FSD1L: variants seen among roughly 807,000 people sequenced by gnomAD.
FSD1L encodes the protein FSD1-like protein.
Under a neutral mutation model 71.6 loss-of-function variants are expected in FSD1L, and 45 were observed. The ratio of observed to expected loss-of-function variants is 0.63; its 90% confidence interval spans 0.49 to 0.81. The LOEUF is 0.81. FSD1L is among the 30% of genes least tolerant of loss of function. FSD1L has a pLI of 0.00. For synonymous variants in FSD1L, 197 were observed against 207.2 expected, an observed-to-expected ratio of 0.95 and a Z score of 0.42; for missense variants, 561 against 618.1, an observed-to-expected ratio of 0.91 and a Z score of 0.98.
chr9:105,537,752 T>C (rs1836358916), intron 12 of FSD1L, among the ~76,000 whole-genome samples: 1 of 152,126 alleles, frequency 6.6e-6, no homozygotes, highest in Non-Finnish European at 1.5e-5. Flanking sequence ...CATAAGACTT[T>C]TCGGGAAGCA....
chr9:105,456,063 C>T (rs1830339284), intron 1 of FSD1L, among the ~76,000 whole-genome samples: 1 of 152,204 alleles, frequency 6.6e-6, no homozygotes, highest in African/African-American at 2.4e-5. Flanking sequence ...GGGGTTATAA[C>T]CTGTTGATCA....
chr9:105,447,330 A>C (rs10991658), upstream of FSD1L, among the ~76,000 whole-genome samples: 1 of 148,670 alleles, frequency 6.7e-6, no homozygotes, highest in Non-Finnish European at 1.5e-5. Context: ...TCTCCAAAAA[A>C]AAAAAAAAAA....
intron 7 of FSD1L, among the ~76,000 whole-genome samples, chr9:105,487,932 A>G (rs1402561455): frequency 6.6e-6 from 1 of 152,224 alleles, no homozygotes; most frequent in Non-Finnish European, 1.5e-5. Context: ...GAGATTTCTC[A>G]TATACCTTCA....
chr9:105,495,571 A>G (rs1017900054), intron 7 of FSD1L, among the ~76,000 whole-genome samples: 5 of 152,246 alleles, frequency 3.3e-5, no homozygotes, highest in African/African-American at 9.6e-5. Flanking sequence ...ATGGAAATGC[A>G]GAAATCACCT....
intron 10 of FSD1L, among the ~76,000 whole-genome samples, chr9:105,527,956 A>G (rs140510374): frequency 6.6e-6 from 1 of 152,338 alleles, no homozygotes; most frequent in East Asian, 1.9e-4. Flanking sequence ...GTCTCAGGAT[A>G]CAAAATCAAT....
intron 10 of FSD1L, chr9:105,521,866 T>C (rs1473711308): frequency 6.2e-7 from 1 of 1,612,436 alleles, no homozygotes; most frequent in Non-Finnish European, 8.5e-7. Flanking sequence ...TCATCAAATA[T>C]ATTTCTTCTT....
intron 13 of FSD1L, among the ~76,000 whole-genome samples, chr9:105,544,483 A>C (rs901516084): frequency 6.6e-6 from 1 of 152,130 alleles, no homozygotes; most frequent in Non-Finnish European, 1.5e-5. Context: ...TTGGTGTTTC[A>C]GACATGAAGT....
intron 10 of FSD1L, among the ~76,000 whole-genome samples, chr9:105,527,435 T>C (rs994182918): frequency 6.6e-6 from 1 of 152,156 alleles, no homozygotes; most frequent in Non-Finnish European, 1.5e-5. Context: ...AAATCTAATA[T>C]TGTTAATACT....
At chr9:105,465,357 C>G (rs1830987405) in intron 3 of FSD1L, among the ~76,000 whole-genome samples, 1 of 152,134 alleles carries the variant, frequency 6.6e-6, no homozygotes, top group African/African-American at 2.4e-5. Context: ...TATTCTCAGC[C>G]TCTTCCAAAA....
Position 105,527,661 on chromosome 9 carries a change from A to T in FSD1L, c.1026-6832A>T, listed in dbSNP as rs536963613. Among the ~76,000 whole-genome samples the T allele has an allele frequency of 3.3e-5, 5 of 151,976 alleles. No individual in the cohort carries two copies. The South Asian group carries it at 1.0e-3, about 32-fold the overall frequency. ...ATCTATAATTTGTAACAGTGGGGGG[A>T]AAAGATGACATGGTATTTAATAATA... On this transcript the variant is annotated intron_variant, in intron 10 of 13. Transcript: ENST00000481272.
intron 1 of FSD1L, among the ~76,000 whole-genome samples, chr9:105,454,827 C>G (rs566858627): frequency 9.2e-5 from 14 of 152,304 alleles, no homozygotes; most frequent in African/African-American, 2.9e-4. Context: ...AGCATTTAGA[C>G]TTTTTCTCAG....
At chr9:105,478,834 C>T (rs1232952816) in intron 5 of FSD1L, among the ~76,000 whole-genome samples, 2 of 152,164 alleles carry the variant, frequency 1.3e-5, no homozygotes, top group Non-Finnish European at 2.9e-5. Flanking sequence ...GAATTGCAGC[C>T]TAGTTGTATT....
At chr9:105,463,727 C>T (rs1416846324) in intron 2 of FSD1L, among the ~76,000 whole-genome samples, 8 of 152,136 alleles carry the variant, frequency 5.3e-5, no homozygotes, top group Admixed American at 5.2e-4. Flanking sequence ...TATTATAGTT[C>T]TACAGCATCT....
chr9:105,507,636 C>G (rs1834132478), intron 8 of FSD1L, among the ~76,000 whole-genome samples: 2 of 152,174 alleles, frequency 1.3e-5, no homozygotes, highest in African/African-American at 4.8e-5. Flanking sequence ...CTCTGCTTTA[C>G]TTCCTCTTTA....
At chr9:105,528,362 A>G (rs1328323351) in intron 10 of FSD1L, among the ~76,000 whole-genome samples, 1 of 152,242 alleles carries the variant, frequency 6.6e-6, no homozygotes, top group Non-Finnish European at 1.5e-5. Flanking sequence ...TAGAGGCATC[A>G]TGCTACCTGA....
rs977279468 is a variant in FSD1L at position 105,472,177 on chromosome 9, G to T, written c.441+172G>T. 3 of 745,152 alleles carry T rather than the reference G, an allele frequency of 4.0e-6. No homozygotes were observed. In the African/African-American group the frequency reaches 5.6e-5, roughly 14 times the overall value. 46.2% of individuals were successfully genotyped at this position (745,152 alleles called of 1,614,324 possible). ...TCATTTATTCCAAAGCAAACACTTA[G>T]AAGTGTGTGTCTTTAGGGTCATCAA... On this transcript the variant is annotated intron_variant, in intron 5 of 13. Transcript: ENST00000481272.
At chr9:105,451,759 C>T (rs776124411) in intron 1 of FSD1L, among the ~76,000 whole-genome samples, 5 of 152,110 alleles carry the variant, frequency 3.3e-5, no homozygotes, top group Admixed American at 6.5e-5. Context: ...GTTTCTTTAC[C>T]GGATGAAATG....
intron 1 of FSD1L, among the ~76,000 whole-genome samples, chr9:105,452,628 C>CGCCTGCCTGCGT: frequency 8.0e-6 from 1 of 124,466 alleles, no homozygotes; most frequent in African/African-American, 3.3e-5. Context: ...GGCGCTCGCT[C>CGCCTGCCTGCGT]GCCTGCCTGC....
chr9:105,519,884 A>G (rs187570877), intron 10 of FSD1L, among the ~76,000 whole-genome samples: 1 of 152,182 alleles, frequency 6.6e-6, no homozygotes, highest in Non-Finnish European at 1.5e-5. Context: ...CGCTCCGTGC[A>G]GGGCCGGGAG....
Sources: gnomAD v4.1 joint callset for allele counts (sites outside exome capture counted in the v4.1 genomes callset) on GRCh38, gnomAD v4.1.1 for gene constraint, MANE v1.5 for transcripts, NCBI Gene and HGNC (gene_info 2026-07-23, HGNC 2026-07-21) for gene names.